Variants in CAMK1D observed in about 807,000 individuals in gnomAD.
CAMK1D encodes the protein calcium/calmodulin-dependent protein kinase type 1D.
Under a neutral mutation model 47.7 loss-of-function variants are expected in CAMK1D, and 9 were observed. The ratio of observed to expected loss-of-function variants is 0.19; its 90% CI spans 0.11 to 0.33. The LOEUF (loss-of-function observed/expected upper bound fraction) is 0.33. Among genes scored for constraint, CAMK1D ranks in the 10% least tolerant of loss-of-function variants. CAMK1D has a pLI of 1.00. For missense variants in CAMK1D, 291 were observed against 488.7 expected, an observed-to-expected ratio of 0.60 and a Z score of 3.81; for synonymous variants, 184 against 184.9, an observed-to-expected ratio of 0.99 and a Z score of 0.04.
At chr10:12,693,719 G>A (rs1257506959) in intron 3 of CAMK1D, among the ~76,000 whole-genome samples, 2 of 150,256 alleles carry the variant, frequency 1.3e-5, no homozygotes, top group African/African-American at 2.5e-5. Flanking sequence ...TTTCCAGCCT[G>A]CTGGCTTATC....
chr10:12,569,661 G>A (rs919395819), intron 2 of CAMK1D, among the ~76,000 whole-genome samples: 20 of 141,282 alleles, frequency 1.4e-4, no homozygotes, highest in Non-Finnish European at 2.6e-4. Flanking sequence ...GGAGCTTGCA[G>A]TGAGCCGAGA....
chr10:12,602,895 G>A (rs373459467), intron 2 of CAMK1D, among the ~76,000 whole-genome samples: 5 of 134,408 alleles, frequency 3.7e-5, no homozygotes, highest in Non-Finnish European at 6.2e-5. Flanking sequence ...CTAACTGCTT[G>A]TTATTATTAT....
intron 3 of CAMK1D, among the ~76,000 whole-genome samples, chr10:12,667,338 C>A (rs1840466174): frequency 6.6e-6 from 1 of 152,222 alleles, no homozygotes; most frequent in South Asian, 2.1e-4. Context: ...TAATTGGTGT[C>A]AGACCATGAC....
intron 1 of CAMK1D, among the ~76,000 whole-genome samples, chr10:12,357,703 T>C (rs908745598): frequency 6.6e-6 from 1 of 152,110 alleles, no homozygotes; most frequent in East Asian, 1.9e-4. Flanking sequence ...GTTATTTTCC[T>C]GATGCAAGAT....
chr10:12,693,203 A>C (rs1833001331), intron 3 of CAMK1D, among the ~76,000 whole-genome samples: 1 of 152,144 alleles, frequency 6.6e-6, no homozygotes, highest in Non-Finnish European at 1.5e-5. Flanking sequence ...GTCTCTATTA[A>C]AAATACAAAA....
At chr10:12,811,239 A>G (rs561563158) in intron 6 of CAMK1D, among the ~76,000 whole-genome samples, 1 of 152,334 alleles carries the variant, frequency 6.6e-6, no homozygotes, top group Admixed American at 6.5e-5. Flanking sequence ...AAGAAGCCAC[A>G]CTTCTGGAAC....
chr10:12,453,186 CTTTTTTCT>C lies in CAMK1D; in HGVS notation c.93-100032_93-100025del, dbSNP rs749568282. 7.9e-3 allele frequency among the ~76,000 whole-genome samples: 970 copies of C among 122,874 alleles called. 11 individuals carry two copies. The highest frequency in any genetic ancestry group is 0.029 in the African/African-American group (907 of 31,384). 80.6% of individuals were successfully genotyped at this position (122,874 alleles called of 152,430 possible). A position where few individuals can be genotyped will look rare whatever the true frequency, so the allele number is the denominator to read the frequency against. ...CATGGGTCAGACTTTTCTTCTTTTT[CTTTTTTCT>C]TTTTTTTTTTTTTGAGATGGAGTTT... On this transcript the variant is annotated intron_variant, in intron 1 of 10. Transcript: ENST00000619168.
At chr10:12,662,462 C>T (rs79591772) in intron 2 of CAMK1D, among the ~76,000 whole-genome samples, 10,513 of 152,136 alleles carry the variant, frequency 0.069, 396 homozygotes, top group South Asian at 0.18. Context: ...ACCATCCTGA[C>T]TAACGCGGTG....
intron 4 of CAMK1D, among the ~76,000 whole-genome samples, chr10:12,763,762 A>C (rs138228808): frequency 1.5e-4 from 23 of 152,310 alleles, no homozygotes; most frequent in African/African-American, 5.3e-4. Flanking sequence ...TTCCGATCTT[A>C]TTAAAGCTTA....
intron 2 of CAMK1D, among the ~76,000 whole-genome samples, chr10:12,623,669 G>A (rs1389056358): frequency 5.3e-5 from 8 of 151,836 alleles, no homozygotes; most frequent in Middle Eastern, 3.2e-3. Context: ...GGCCTTTACC[G>A]GTAGCTTAGG....
chr10:12,595,161 G>T (rs1838105894), intron 2 of CAMK1D, among the ~76,000 whole-genome samples: 1 of 151,698 alleles, frequency 6.6e-6, no homozygotes, highest in Non-Finnish European at 1.5e-5. Context: ...GGCCAACATG[G>T]TGAAACTCCG....
intron 3 of CAMK1D, among the ~76,000 whole-genome samples, chr10:12,699,367 A>C (rs1415790158): frequency 2.6e-5 from 4 of 152,034 alleles, no homozygotes; most frequent in African/African-American, 9.6e-5. Flanking sequence ...TTTTTCTGGG[A>C]AAAAGCGTTG....
chr10:12,673,347 T>C (rs1840692820), intron 3 of CAMK1D, among the ~76,000 whole-genome samples: 2 of 152,224 alleles, frequency 1.3e-5, no homozygotes, highest in African/African-American at 4.8e-5. Flanking sequence ...TTTTATAGTT[T>C]TCAGGATGTA....
intron 2 of CAMK1D, among the ~76,000 whole-genome samples, chr10:12,638,284 G>C (rs1839569114): frequency 6.6e-6 from 1 of 152,094 alleles, no homozygotes; most frequent in Middle Eastern, 3.2e-3. Context: ...GCGTGGTCTG[G>C]ATAAAGTCCA....
rs12245910 is a variant in CAMK1D at position 12,383,270 on chromosome 10, T to G, written c.92+33360T>G. 2.4e-3 allele frequency among the ~76,000 whole-genome samples: 366 copies of G among 152,306 alleles called. 3 individuals are homozygous for G. Among genetic ancestry groups the G allele is most frequent in the African/African-American group, 8.0e-3 (331 of 41,564 alleles). ...AGAATAGATCTTTCCAATTTTTTTT[T>G]TTGTTGTTGTTACTGTAAAGAGCTT... On this transcript the variant is annotated intron_variant, in intron 1 of 10. Transcript: ENST00000619168.
At chr10:12,556,662 A>AGACACCT (rs1836771030) in intron 2 of CAMK1D, among the ~76,000 whole-genome samples, 1 of 152,170 alleles carries the variant, frequency 6.6e-6, no homozygotes, top group Admixed American at 6.5e-5. Flanking sequence ...GGAGGCCTGG[A>AGACACCT]GACACCTAAG....
intron 1 of CAMK1D, among the ~76,000 whole-genome samples, chr10:12,362,024 C>T (rs575436636): frequency 2.6e-4 from 39 of 152,224 alleles, no homozygotes; most frequent in African/African-American, 7.7e-4. Context: ...CCCCTTCTTT[C>T]TTGCCTATTA....
At chr10:12,651,961 A>C (rs1188362489) in intron 2 of CAMK1D, among the ~76,000 whole-genome samples, 1 of 150,830 alleles carries the variant, frequency 6.6e-6, no homozygotes, top group Non-Finnish European at 1.5e-5. Flanking sequence ...TTGTATTTTC[A>C]GTAGAGATGG....
At chr10:12,464,312 C>G (rs1833526612) in intron 1 of CAMK1D, among the ~76,000 whole-genome samples, 1 of 152,132 alleles carries the variant, frequency 6.6e-6, no homozygotes, top group Non-Finnish European at 1.5e-5. Flanking sequence ...TTCAGTAGCT[C>G]TTTTCCGATT....
Sources: gnomAD v4.1 joint callset for allele counts (sites outside exome capture counted in the v4.1 genomes callset) on GRCh38, gnomAD v4.1.1 for gene constraint, MANE v1.5 for transcripts, NCBI Gene and HGNC (gene_info 2026-07-23, HGNC 2026-07-21) for gene names.